Variants in RGS12 observed in about 807,000 individuals in gnomAD.
RGS12 encodes regulator of G-protein signaling 12.
A neutral mutation model predicts 120.1 loss-of-function variants in RGS12; 66 were observed. The ratio of observed to expected loss-of-function variants is 0.55; its 90% CI spans 0.45 to 0.67. RGS12 has a LOEUF of 0.67. RGS12 is among the 30% of genes least tolerant of loss of function. The pLI, the probability that RGS12 is intolerant of heterozygous loss-of-function variation, is 0.00. For synonymous variants in RGS12, 827 were observed against 804.7 expected (o/e 1.03, Z -0.47); for missense variants, 1,859 against 1,957.7 (o/e 0.95, Z 0.95).
Position 3,325,677 on chromosome 4 carries a change from C to A in RGS12, c.1881+7626C>A, listed in dbSNP as rs1452518928. 3.9e-5 allele frequency among the ~76,000 whole-genome samples: 6 copies of A among 152,288 alleles called. No individual in the cohort carries two copies. The East Asian group carries it at 1.2e-3, about 29-fold the overall frequency. On this transcript the variant is annotated intron_variant, in intron 2 of 17. Transcript: ENST00000336727. ...AAAATGGAGGATGAGGGATTTCTTCCTGACTCATTTTATGAGGCCAGTATC... is the reference window on the plus strand; with the variant it reads ...AAAATGGAGGATGAGGGATTTCTTCATGACTCATTTTATGAGGCCAGTATC...
chr4:3,430,495 G>C lies in RGS12; in HGVS notation c.3654G>C (p.Glu1218Asp). 1.2e-6 allele frequency: 2 copies of C among 1,613,850 alleles called. No individual in the cohort carries two copies. The highest frequency in any genetic ancestry group is 1.7e-6 in the Non-Finnish European group (2 of 1,180,024). The change falls in exon 17 of 18, where the codon GAG becomes GAC. Residue 1218 changes from glutamate to aspartate, a missense_variant. Around this residue, in one of 3 missense-constraint regions of RGS12, gnomAD observed 517 missense variants for 488.5 expected, o/e 1.06. Coordinates refer to ENST00000336727, the MANE Select transcript of RGS12 (RefSeq NM_001394154.1). Reference protein sequence around the residue: ...LLRKEDLVLPEFLRLPPGSTE... With the variant: ...LLRKEDLVLPDFLRLPPGSTE... ...GGAAGGAAGACCTGGTGTTGCCAGA[G>C]TTCCTCCGTTTACCTCCTGGTTCCA...
rs564494923 is a variant in RGS12, at chr4:3,300,894, A to G, written c.-102+7795A>G. Among the ~76,000 whole-genome samples, 7 of 152,334 alleles carry G rather than the reference A, an allele frequency of 4.6e-5. No individual in the cohort carries two copies. In the South Asian group the frequency reaches 1.2e-3, roughly 27 times the overall value. The stretch of plus-strand genomic sequence containing the variant: ...CTTTTCCAAATAGGGTCACAATCAC[A>G]GCTTCTGGGGATTGGGCCCTGGTAT... On this transcript the variant is annotated intron_variant, in intron 1 of 17. Coordinates refer to ENST00000336727, the MANE Select transcript of RGS12 (RefSeq NM_001394154.1).
intron 4 of RGS12, among the ~76,000 whole-genome samples, chr4:3,392,484 G>A (rs554347277): frequency 1.1e-4 from 16 of 152,074 alleles, no homozygotes; most frequent in South Asian, 8.3e-4. Flanking sequence ...CTTCTGTGTC[G>A]CCTGCATGCT....
chr4:3,408,880 A>G lies in RGS12; in HGVS notation c.2021-5192A>G, dbSNP rs924396075. 3.5e-4 allele frequency among the ~76,000 whole-genome samples: 54 copies of G among 152,296 alleles called. 1 individual carries two copies. Among genetic ancestry groups the G allele is most frequent in the African/African-American group, 1.3e-3 (54 of 41,572 alleles). ...GAGGAATTACTGGAGCACAATTCCT[A>G]TGTCAGCAGAAAGCTACAAAATGAG... On this transcript the variant is annotated intron_variant, in intron 4 of 17. Coordinates refer to ENST00000336727, the MANE Select transcript of RGS12 (RefSeq NM_001394154.1).
At chr4:3,431,740 G>A (rs1212409948) in intron 17 of RGS12, 43 of 985,642 alleles carry the variant, frequency 4.4e-5, no homozygotes, top group Non-Finnish European at 5.1e-5. Flanking sequence ...CTCAGGGTGC[G>A]CGTCATGGAG....
chr4:3,417,137 C>T (rs1450322124), intron 8 of RGS12, 45 bp downstream of exon 8: 51 of 1,532,520 alleles, frequency 3.3e-5, no homozygotes, highest in Non-Finnish European at 4.5e-5. Context: ...GGTTGTGTGT[C>T]ATCAGCTGAG....
intron 4 of RGS12, among the ~76,000 whole-genome samples, chr4:3,404,746 TG>T (rs1720937472): frequency 6.6e-6 from 1 of 152,166 alleles, no homozygotes; most frequent in African/African-American, 2.4e-5. Flanking sequence ...TCCACCAGGG[TG>T]GGGCTGGAGG....
chr4:3,403,898 G>A (rs1720848538), intron 4 of RGS12, among the ~76,000 whole-genome samples: 2 of 152,214 alleles, frequency 1.3e-5, no homozygotes, highest in Non-Finnish European at 2.9e-5. Context: ...TATTGACGTG[G>A]GGTGATGTGA....
intron 2 of RGS12, among the ~76,000 whole-genome samples, chr4:3,325,258 C>G (rs952936540): frequency 6.6e-6 from 1 of 152,130 alleles, no homozygotes; most frequent in African/African-American, 2.4e-5. Context: ...GGCATAAAAT[C>G]AATTAGTAAA....
intron 2 of RGS12, among the ~76,000 whole-genome samples, chr4:3,335,213 C>G (rs533586518): frequency 6.6e-6 from 1 of 152,292 alleles, no homozygotes; most frequent in East Asian, 1.9e-4. Flanking sequence ...GCACATTTTT[C>G]TCCTTCCTTT....
rs1724886815 is a variant in RGS12, at chr4:3,437,130, C to T, written c.4115-2325C>T. ...ATGTAGGTGGTGAGGCAGCGTGCTG[C>T]TCAGGGCGGGGCCAGGCAGCTGAGT... On this transcript the variant is annotated intron_variant, in intron 17 of 17. Transcript: ENST00000336727. Among the ~76,000 whole-genome samples, 5 of 152,180 alleles carry T rather than the reference C, an allele frequency of 3.3e-5. No individual in the cohort carries two copies. The South Asian group carries it at 1.0e-3, about 31-fold the overall frequency.
intron 2 of RGS12, among the ~76,000 whole-genome samples, chr4:3,329,498 C>G (rs1711582864): frequency 6.6e-6 from 1 of 152,048 alleles, no homozygotes; most frequent in Admixed American, 6.5e-5. Flanking sequence ...AGCACAGGAC[C>G]AAACCAAGTG....
chr4:3,431,540 G>A (rs1031317889), intron 17 of RGS12: 9 of 985,930 alleles, frequency 9.1e-6, no homozygotes, highest in African/African-American at 1.7e-5. Context: ...CGGGTGTCAC[G>A]GGCATTTCTC....
At chr4:3,310,964 C>A (rs1269779465) in intron 1 of RGS12, among the ~76,000 whole-genome samples, 1 of 152,220 alleles carries the variant, frequency 6.6e-6, no homozygotes, top group Non-Finnish European at 1.5e-5. Flanking sequence ...CTTCTCTGTG[C>A]CCCCACTCCC....
chr4:3,379,005 ATGTGTGTGTGTGTGTG>A (rs3138719), intron 3 of RGS12, among the ~76,000 whole-genome samples: 77 of 146,566 alleles, frequency 5.3e-4, no homozygotes, highest in Middle Eastern at 3.5e-3. Context: ...GAAATGTGCG[ATGTGTGTGTGTGTGTG>A]TGTGTGTGTG....
chr4:3,313,578 T>G (rs369520488), intron 1 of RGS12, among the ~76,000 whole-genome samples: 14 of 152,332 alleles, frequency 9.2e-5, no homozygotes, highest in Admixed American at 7.8e-4. Context: ...TCTCCTGCGT[T>G]TTCGGGGGCC....
At chr4:3,385,013 T>G (rs926914162) in intron 3 of RGS12, 20 of 152,398 alleles carry the variant, frequency 1.3e-4, no homozygotes, top group African/African-American at 4.8e-4. Context: ...CCATACAGTG[T>G]GTGTCCCGGA....
chr4:3,439,459 T>C lies in RGS12; in HGVS notation c.4119T>C (p.Ser1373=). The part of the protein sequence containing the change: ...QEVPGPSRPG[S]GTHGSRDLPV... ...CTTCTCTTCTCCTTGTGACAGGAAG[T>C]GGGACCCATGGCAGCCGAGACCTCC... is the stretch of plus-strand genomic sequence containing the variant. The change falls in exon 18 of 18, where the codon AGT becomes AGC. Residue 1373 remains serine (S), a synonymous_variant. Transcript: ENST00000336727. 1 of 1,612,730 alleles carries C rather than the reference T, an allele frequency of 6.2e-7. No individual in the cohort carries two copies. Among genetic ancestry groups the C allele is most frequent in the Non-Finnish European group, 8.5e-7 (1 of 1,179,890 alleles).
rs576301803 is a variant in RGS12 at position 3,372,450 on chromosome 4, G to A, written c.1999-13966G>A. ...GCCCTGCTGGCGCACGGCTGGACAA[G>A]CATGACAGTTGTCGCGGAGCCGCCC... On this transcript the variant is annotated intron_variant, in intron 3 of 17. Transcript: ENST00000336727. This position sits in a 1 kb window ranked among gnomAD's most constrained non-coding sequence, Gnocchi z 4.3. Among the ~76,000 whole-genome samples the A allele has an allele frequency of 4.6e-4, 70 of 152,374 alleles. 1 individual carries two copies. The Middle Eastern group carries it at 0.01, about 22-fold the overall frequency.
Sources: gnomAD v4.1 joint callset for allele counts (sites outside exome capture counted in the v4.1 genomes callset) on GRCh38, gnomAD v4.1.1 for gene constraint, gnomAD v4.1.1 regional missense constraint, Gnocchi (gnomAD v3.1) non-coding constraint, MANE v1.5 for transcripts, NCBI Gene and HGNC (gene_info 2026-07-23, HGNC 2026-07-21) for gene names.